PTPRN2: variants seen among roughly 807,000 people sequenced by gnomAD.
The protein encoded by PTPRN2 is receptor-type tyrosine-protein phosphatase N2.
A neutral mutation model predicts 118.8 loss-of-function variants in PTPRN2; 74 were observed. The observed-to-expected ratio is 0.62, with a 90% CI of 0.52 to 0.76. PTPRN2 has a LOEUF of 0.76. Among genes scored for constraint, PTPRN2 ranks in the 30% least tolerant of loss-of-function variants. PTPRN2 has a pLI of 0.00. For missense variants in PTPRN2, 1,481 were observed against 1,394.4 expected, an observed-to-expected ratio of 1.06 and a Z score of -0.99; for synonymous variants, 641 against 608.0, an observed-to-expected ratio of 1.05 and a Z score of -0.80.
chr7:157,882,256 C>T lies in PTPRN2; in HGVS notation c.1788+16417G>A, dbSNP rs188078638. Among the ~76,000 whole-genome samples, 157 of 150,146 alleles carry T rather than the reference C, an allele frequency of 1.0e-3. 1 individual carries two copies. Among genetic ancestry groups the T allele is most frequent in the Middle Eastern group, 3.5e-3 (1 of 288 alleles). ...AAAATGACTGTTGGAGAACAGAACACGCCACCCCAAAAATGACTGTCAGAG... is the reference window on the plus strand; with the variant it reads ...AAAATGACTGTTGGAGAACAGAACATGCCACCCCAAAAATGACTGTCAGAG... On this transcript the variant is annotated intron_variant, in intron 12 of 22. Transcript: ENST00000389418.
chr7:157,982,819 TC>T (rs1316254218), intron 11 of PTPRN2, among the ~76,000 whole-genome samples: 1 of 70,154 alleles, frequency 1.4e-5, no homozygotes, highest in Non-Finnish European at 2.7e-5. Flanking sequence ...GAGTGCAGGG[TC>T]CCCCCTAAAC....
chr7:158,343,382 A>C (rs185916097), intron 2 of PTPRN2, among the ~76,000 whole-genome samples: 78 of 152,358 alleles, frequency 5.1e-4, no homozygotes, highest in African/African-American at 1.9e-3. Context: ...TCTGCTATCA[A>C]AAAACGAAAC....
chr7:158,415,250 G>A (rs1814559421), intron 2 of PTPRN2, among the ~76,000 whole-genome samples: 3 of 152,278 alleles, frequency 2.0e-5, no homozygotes, highest in Admixed American at 6.5e-5. Flanking sequence ...GTGAAGAGAC[G>A]CAAAGCTGAT....
chr7:158,318,399 G>C (rs540293362), intron 2 of PTPRN2, among the ~76,000 whole-genome samples: 4 of 152,224 alleles, frequency 2.6e-5, no homozygotes, highest in African/African-American at 7.2e-5. Flanking sequence ...GCAGCACGTC[G>C]AGACGGCCCA....
At position 158,312,917 on chromosome 7, in the gene PTPRN2, T is replaced by C. The variant is rs1801977609; in HGVS notation, c.277+3902A>G. On this transcript the variant is annotated intron_variant, in intron 3 of 22. Transcript: ENST00000389418. Reference sequence around the variant, plus strand: ...AGGTGTGCATGCATGTGTGGGGATGTCTACATGTCAGCATGTCAATGAGTG... The same window carrying C: ...AGGTGTGCATGCATGTGTGGGGATGCCTACATGTCAGCATGTCAATGAGTG... Among the ~76,000 whole-genome samples, 3 of 151,752 alleles carry C rather than the reference T, an allele frequency of 2.0e-5. No homozygotes were observed. The South Asian group carries it at 6.2e-4, about 32-fold the overall frequency.
chr7:158,150,175 C>A (rs560254865), intron 6 of PTPRN2, among the ~76,000 whole-genome samples: 1 of 152,304 alleles, frequency 6.6e-6, no homozygotes, highest in East Asian at 1.9e-4. Context: ...TTGCCTCAAG[C>A]GGGGCAGTGT....
At chr7:158,169,761 G>A (rs561749225) in intron 5 of PTPRN2, among the ~76,000 whole-genome samples, 9 of 151,732 alleles carry the variant, frequency 5.9e-5, no homozygotes, top group Admixed American at 3.3e-4. Flanking sequence ...GGCACATCTC[G>A]GCTCACTGCA....
chr7:158,396,763 C>A lies in PTPRN2; in HGVS notation c.164-79831G>T, dbSNP rs184606575. 2.6e-5 allele frequency among the ~76,000 whole-genome samples: 4 copies of A among 152,354 alleles called. No homozygotes were observed. In the East Asian group the frequency reaches 5.8e-4, roughly 22 times the overall value. On this transcript the variant is annotated intron_variant, in intron 2 of 22. Coordinates refer to ENST00000389418, the MANE Select transcript of PTPRN2 (RefSeq NM_002847.5). ...TCCCCAAGCCGCCTCCACCTGCACA[C>A]ACCAGCGGTGACCCGCCTCGGGGTC...
intron 21 of PTPRN2, among the ~76,000 whole-genome samples, chr7:157,557,650 T>C (rs1279040885): frequency 3.3e-5 from 5 of 151,958 alleles, no homozygotes; most frequent in African/African-American, 1.2e-4. Context: ...ATGAAAATTA[T>C]AAGCAGGTTT....
At chr7:157,838,146 A>G (rs1808107644) in intron 12 of PTPRN2, among the ~76,000 whole-genome samples, 1 of 148,652 alleles carries the variant, frequency 6.7e-6, no homozygotes, top group Non-Finnish European at 1.5e-5. Flanking sequence ...CACGGGAGAA[A>G]GCTCCTCTCC....
At chr7:158,521,689 A>G (rs1824066323) in intron 1 of PTPRN2, among the ~76,000 whole-genome samples, 2 of 104,314 alleles carry the variant, frequency 1.9e-5, no homozygotes, top group African/African-American at 4.4e-5. Context: ...CCACGTCACA[A>G]TGGTGGACTG....
In PTPRN2 at chr7:158,102,850, C is replaced by T. The variant is rs147949224; in HGVS notation, c.1643+7979G>A. ...ATGGTCTGGGGAGAAAGACAGCACA[C>T]GGCTAATGTTCTGGGGGCCACGGTG... On this transcript the variant is annotated intron_variant, in intron 10 of 22. Transcript: ENST00000389418. Among the ~76,000 whole-genome samples, 721 of 152,268 alleles carry T rather than the reference C, an allele frequency of 4.7e-3. 10 individuals are homozygous for T. Among genetic ancestry groups the T allele is most frequent in the African/African-American group, 0.016 (682 of 41,532 alleles).
rs1345781661 is a variant in PTPRN2 at position 157,615,787 on chromosome 7, C to T, written c.2344+5575G>A. On this transcript the variant is annotated intron_variant, in intron 15 of 22. Coordinates refer to ENST00000389418, the MANE Select transcript of PTPRN2 (RefSeq NM_002847.5). This position sits in a 1 kb window ranked among gnomAD's most constrained non-coding sequence, Gnocchi z 4.3. ...GGTTACAGGAGATGAACACAAGGCT[C>T]GATTCTCCTGTTAAACTTGACTGTC... 7 of 362,158 alleles carry T rather than the reference C, an allele frequency of 1.9e-5. No individual in the cohort carries two copies. The East Asian group carries it at 2.2e-4, about 12-fold the overall frequency. 22.4% of individuals were successfully genotyped at this position (362,158 alleles called of 1,614,324 possible). A position where few individuals can be genotyped will look rare whatever the true frequency, so the allele number is the denominator to read the frequency against.
At chr7:157,989,633 G>A (rs975980616) in intron 11 of PTPRN2, among the ~76,000 whole-genome samples, 4 of 151,302 alleles carry the variant, frequency 2.6e-5, no homozygotes, top group South Asian at 2.1e-4. Flanking sequence ...GGGTGCCTTC[G>A]TGGCTGCTTA....
intron 2 of PTPRN2, among the ~76,000 whole-genome samples, chr7:158,358,015 TTC>T (rs1404251322): frequency 1.3e-5 from 2 of 152,340 alleles, no homozygotes; most frequent in African/African-American, 4.8e-5. Flanking sequence ...CTCTCTCTTT[TTC>T]TCTCTCTGGC....
chr7:158,337,061 T>C (rs1258861374), intron 2 of PTPRN2, among the ~76,000 whole-genome samples: 1 of 136,120 alleles, frequency 7.3e-6, no homozygotes, highest in Non-Finnish European at 1.6e-5. Flanking sequence ...ACTGTCACCA[T>C]AAGAGCTGAC....
intron 1 of PTPRN2, among the ~76,000 whole-genome samples, chr7:158,520,845 C>T (rs987304877): frequency 7.9e-5 from 12 of 152,166 alleles, no homozygotes; most frequent in East Asian, 1.9e-4. Flanking sequence ...AGCACCAGAT[C>T]GGTAACCCCA....
chr7:157,608,924 G>T (rs184749792), intron 15 of PTPRN2, among the ~76,000 whole-genome samples: 1 of 152,186 alleles, frequency 6.6e-6, no homozygotes, highest in African/African-American at 2.4e-5. Context: ...TATCAAAACC[G>T]TAGTCTGAGA....
chr7:158,229,766 T>C (rs1182116774), intron 3 of PTPRN2, among the ~76,000 whole-genome samples: 1 of 151,796 alleles, frequency 6.6e-6, no homozygotes, highest in Non-Finnish European at 1.5e-5. Context: ...AAACATCAAA[T>C]ATAAGAATGA....
Sources: gnomAD v4.1 joint callset for allele counts (sites outside exome capture counted in the v4.1 genomes callset) on GRCh38, gnomAD v4.1.1 for gene constraint, Gnocchi (gnomAD v3.1) non-coding constraint, MANE v1.5 for transcripts, NCBI Gene and HGNC (gene_info 2026-07-23, HGNC 2026-07-21) for gene names.